CDH4: variants seen among roughly 807,000 people sequenced by gnomAD.
CDH4 encodes the protein cadherin 4.
A neutral mutation model predicts 86.0 loss-of-function variants in CDH4; 33 were observed. The ratio of observed to expected loss-of-function variants is 0.38; its 90% CI spans 0.29 to 0.51. The LOEUF (loss-of-function observed/expected upper bound fraction) is 0.51, where lower values mean the gene tolerates loss of function less well. Among genes scored for constraint, CDH4 ranks in the 20% least tolerant of loss-of-function variants. The pLI is 0.86. For synonymous variants in CDH4, 555 were observed against 549.4 expected, an observed-to-expected ratio of 1.01 and a Z score of -0.14; for missense variants, 1,114 against 1,307.4, an observed-to-expected ratio of 0.85 and a Z score of 2.28.
intron 3 of CDH4, among the ~76,000 whole-genome samples, chr20:61,762,110 G>A (rs936105846): frequency 6.6e-6 from 1 of 152,332 alleles, no homozygotes; most frequent in African/African-American, 2.4e-5. Flanking sequence ...TGTTTCCCTG[G>A]GCCATCCAGT....
At chr20:61,911,918 A>G (rs2054855561) in intron 9 of CDH4, among the ~76,000 whole-genome samples, 1 of 152,204 alleles carries the variant, frequency 6.6e-6, no homozygotes, top group African/African-American at 2.4e-5. Flanking sequence ...TTAACCACAG[A>G]AATTTAAATA....
At chr20:61,300,604 CCGT>C in intron 2 of CDH4, among the ~76,000 whole-genome samples, 1 of 152,154 alleles carries the variant, frequency 6.6e-6, no homozygotes, top group Non-Finnish European at 1.5e-5. Context: ...CCCTTTGGAC[CCGT>C]CTCCCGGGTC....
chr20:61,795,572 G>A (rs368773365), intron 4 of CDH4, among the ~76,000 whole-genome samples: 6 of 152,320 alleles, frequency 3.9e-5, no homozygotes, highest in East Asian at 3.9e-4. Context: ...GAAGAGAGGC[G>A]TGAGCAGAAA....
At chr20:61,827,003 G>A (rs1168387875) in intron 4 of CDH4, among the ~76,000 whole-genome samples, 1 of 120,924 alleles carries the variant, frequency 8.3e-6, no homozygotes, top group Non-Finnish European at 2.0e-5. Context: ...GTGTGTGTGT[G>A]TGTGTGTATG....
At position 61,924,464 on chromosome 20, in the gene CDH4, G is replaced by C; in HGVS notation, c.1759G>C (p.Ala587Pro). ...KNNVYEATFL[A>P]ADNGIPPASG... ...CAACGTCTACGAGGCCACCTTCCTG[G>C]CAGCTGACAATGGTGCGGCCCACCC... Residue 587 changes from alanine to proline, a missense_variant, in exon 11 of 16, where the codon GCA becomes CCA. Physicochemically the swap from Ala to Pro is conservative, Grantham distance 27 (BLOSUM62 -1). Around this residue, in one of 3 missense-constraint regions of CDH4, gnomAD observed 705 missense variants for 914.1 expected, o/e 0.77. Coordinates refer to ENST00000614565, the MANE Select transcript of CDH4 (RefSeq NM_001794.5). 5 of 1,613,342 alleles carry C rather than the reference G, an allele frequency of 3.1e-6. No individual in the cohort carries two copies. The highest frequency in any genetic ancestry group is 4.2e-6 in the Non-Finnish European group (5 of 1,179,730).
chr20:61,595,790 T>C (rs2086553130), intron 2 of CDH4, among the ~76,000 whole-genome samples: 1 of 152,168 alleles, frequency 6.6e-6, no homozygotes, highest in Non-Finnish European at 1.5e-5. Context: ...GGACTACATT[T>C]TGGGAGCACG....
rs139541048 is a variant in CDH4, at chr20:61,264,234, G to A, written c.169+9297G>A. 6.8e-3 allele frequency among the ~76,000 whole-genome samples: 1,029 copies of A among 152,234 alleles called. 13 individuals carry two copies. Among genetic ancestry groups the A allele is most frequent in the African/African-American group, 0.023 (951 of 41,524 alleles). ...AAGGACTTGCTATGCGTCCCACACT[G>A]TGCGGTGACCTTCATTCAACCCTGC... On this transcript the variant is annotated intron_variant, in intron 2 of 15. Transcript: ENST00000614565.
intron 2 of CDH4, among the ~76,000 whole-genome samples, chr20:61,678,024 A>G (rs1222468647): frequency 2.0e-5 from 3 of 152,156 alleles, no homozygotes; most frequent in Non-Finnish European, 4.4e-5. Flanking sequence ...TAATAGATGG[A>G]TAAATAGGTA....
chr20:61,735,756 T>C (rs2088255302), intron 2 of CDH4, among the ~76,000 whole-genome samples: 1 of 152,154 alleles, frequency 6.6e-6, no homozygotes, highest in African/African-American at 2.4e-5. Context: ...ATTCCTCTCT[T>C]CTTTCTTCTT....
chr20:61,253,105 G>T (rs1188664997), intron 1 of CDH4, among the ~76,000 whole-genome samples: 5 of 151,598 alleles, frequency 3.3e-5, no homozygotes, highest in Non-Finnish European at 5.9e-5. Flanking sequence ...TCAGTTCTGT[G>T]GGTGCCGGCA....
chr20:61,331,641 A>G (rs915325501), intron 2 of CDH4, among the ~76,000 whole-genome samples: 1 of 4,352 alleles, frequency 2.3e-4, no homozygotes, highest in Non-Finnish European at 4.8e-4. Flanking sequence ...CCCCAGACCC[A>G]CCTCCCGCCC....
At chr20:61,603,455 G>A (rs2086618890) in intron 2 of CDH4, among the ~76,000 whole-genome samples, 1 of 152,190 alleles carries the variant, frequency 6.6e-6, no homozygotes, top group South Asian at 2.1e-4. Context: ...CAGGCAGTTG[G>A]GCGGCTGTTT....
At position 61,582,676 on chromosome 20, in the gene CDH4, C is replaced by A. The variant is rs1022714126; in HGVS notation, c.170-160887C>A. Reference sequence around the variant, plus strand: ...CTCCCTGCACCTGTCAGGAGCCTGTCTTCTGAGGCTGGGGACACAAGCCAG... The same window carrying A: ...CTCCCTGCACCTGTCAGGAGCCTGTATTCTGAGGCTGGGGACACAAGCCAG... On this transcript the variant is annotated intron_variant, in intron 2 of 15. Coordinates refer to ENST00000614565, the MANE Select transcript of CDH4 (RefSeq NM_001794.5). The surrounding 1 kb of genome is among the most constrained non-coding windows in gnomAD (Gnocchi z 4.2). Among the ~76,000 whole-genome samples, 6 of 152,216 alleles carry A rather than the reference C, an allele frequency of 3.9e-5. No individual in the cohort carries two copies. The highest frequency in any genetic ancestry group is 8.8e-5 in the Non-Finnish European group (6 of 68,032).
At chr20:61,580,486 TA>T (rs372487416) in intron 2 of CDH4, among the ~76,000 whole-genome samples, 21 of 150,258 alleles carry the variant, frequency 1.4e-4, no homozygotes, top group African/African-American at 2.2e-4. Context: ...ACCTCTACTT[TA>T]AAAAAAAAAT....
intron 2 of CDH4, among the ~76,000 whole-genome samples, chr20:61,685,344 C>T (rs2087562261): frequency 6.6e-6 from 1 of 152,360 alleles, no homozygotes; most frequent in South Asian, 2.1e-4. Context: ...GGTCTCTCCA[C>T]CACCCTTTGT....
intron 2 of CDH4, among the ~76,000 whole-genome samples, chr20:61,270,955 C>T (rs565164889): frequency 2.6e-5 from 4 of 152,132 alleles, no homozygotes; most frequent in Non-Finnish European, 4.4e-5. Flanking sequence ...ATCTTTATTG[C>T]GGTCGATCTA....
chr20:61,422,107 T>C (rs2085180941), intron 2 of CDH4, among the ~76,000 whole-genome samples: 1 of 152,110 alleles, frequency 6.6e-6, no homozygotes, highest in Non-Finnish European at 1.5e-5. Context: ...TGAACGTATA[T>C]CTATGCATTC....
At chr20:61,665,659 G>A (rs1040090177) in intron 2 of CDH4, among the ~76,000 whole-genome samples, 4 of 152,162 alleles carry the variant, frequency 2.6e-5, no homozygotes, top group African/African-American at 4.8e-5. Flanking sequence ...GAGTGCTCCC[G>A]GCAGGCTCAT....
intron 2 of CDH4, among the ~76,000 whole-genome samples, chr20:61,549,309 A>C (rs983096624): frequency 2.0e-5 from 3 of 151,732 alleles, no homozygotes; most frequent in African/African-American, 7.3e-5. Context: ...GGGGTACCTC[A>C]CTCCCTCCCA....
Sources: gnomAD v4.1 joint callset for allele counts (sites outside exome capture counted in the v4.1 genomes callset) on GRCh38, gnomAD v4.1.1 for gene constraint, gnomAD v4.1.1 regional missense constraint, Gnocchi (gnomAD v3.1) non-coding constraint, MANE v1.5 for transcripts, NCBI Gene and HGNC (gene_info 2026-07-23, HGNC 2026-07-21) for gene names.